The following MGST1 variants were observed in gnomAD, a reference collection of about 807,000 sequenced individuals.
The protein encoded by MGST1 is microsomal glutathione S-transferase 1, also known as glutathione S-transferase 12.
In MGST1, 5 loss-of-function variants were observed where a neutral mutation model predicts 8.9. The observed-to-expected ratio is 0.56, with a 90% CI of 0.29 to 1.19. MGST1 has a LOEUF of 1.19. Ranked by LOEUF, MGST1 falls within the 50% of genes most tolerant of loss-of-function variation. The pLI is 0.08. For missense variants in MGST1, 182 were observed against 187.4 expected (o/e 0.97, Z 0.17); for synonymous variants, 54 against 67.8 (o/e 0.80, Z 1.00).
At chr12:16,520,113 AT>A (rs1171552406) in intron 4 of MGST1, among the ~76,000 whole-genome samples, 1 of 152,136 alleles carries the variant, frequency 6.6e-6, no homozygotes, top group Non-Finnish European at 1.5e-5. Context: ...AATCATTTTT[AT>A]TGCCTGAAAT....
At chr12:16,499,581 C>T (rs1941491953) in intron 4 of MGST1, among the ~76,000 whole-genome samples, 2 of 152,088 alleles carry the variant, frequency 1.3e-5, no homozygotes, top group Admixed American at 1.3e-4. Context: ...AATATCTGCA[C>T]CGAACAAAGA....
intron 1 of MGST1, among the ~76,000 whole-genome samples, chr12:16,384,708 A>G (rs1398929914): frequency 6.6e-6 from 1 of 152,284 alleles, no homozygotes. Context: ...GAAGAATCCC[A>G]ATCACAGGGC....
At chr12:16,358,437 G>A (rs1939827417) in intron 3 of MGST1, among the ~76,000 whole-genome samples, 1 of 151,632 alleles carries the variant, frequency 6.6e-6, no homozygotes, top group Non-Finnish European at 1.5e-5. Flanking sequence ...GCCTACAGCT[G>A]CATCCATGTT....
intron 3 of MGST1, among the ~76,000 whole-genome samples, chr12:16,372,694 C>T (rs73064107): frequency 0.11 from 16,418 of 151,638 alleles, 913 homozygotes; most frequent in East Asian, 0.16. Context: ...TTCGAAAGAA[C>T]GGAAATCAGT....
chr12:16,357,864 A>T (rs1215294931), intron 3 of MGST1, among the ~76,000 whole-genome samples, 165 bp downstream of exon 3: 1 of 146,076 alleles, frequency 6.8e-6, no homozygotes, highest in African/African-American at 2.5e-5. Context: ...GACACACTGC[A>T]CTTGTATGTG....
At chr12:16,462,643 T>A (rs900555721) in intron 4 of MGST1, among the ~76,000 whole-genome samples, 1 of 152,180 alleles carries the variant, frequency 6.6e-6, no homozygotes, top group African/African-American at 2.4e-5. Flanking sequence ...GAAAGAATCC[T>A]GGCAGAAGTT....
At chr12:16,412,398 C>A (rs10772932) in intron 1 of MGST1, among the ~76,000 whole-genome samples, 29,005 of 152,000 alleles carry the variant, frequency 0.19, 3,304 homozygotes, top group East Asian at 0.41. Context: ...CTAATATCTG[C>A]CCAGTTGGAA....
At chr12:16,535,863 A>T (rs1368188009) in intron 4 of MGST1, among the ~76,000 whole-genome samples, 1 of 152,184 alleles carries the variant, frequency 6.6e-6, no homozygotes, top group Non-Finnish European at 1.5e-5. Flanking sequence ...ATTCTGGATG[A>T]GAAACGATTT....
intron 4 of MGST1, among the ~76,000 whole-genome samples, chr12:16,557,395 T>C (rs1428747974): frequency 6.6e-6 from 1 of 151,502 alleles, no homozygotes; most frequent in Non-Finnish European, 1.5e-5. Flanking sequence ...TAAACGTAAT[T>C]CCTAGTGTTT....
Position 16,544,823 on chromosome 12 carries a change from T to C in MGST1, n.483-44705T>C, listed in dbSNP as rs909247164. On this transcript the variant is annotated intron_variant and non_coding_transcript_variant, in intron 4 of 4. Coordinates refer to the MGST1 transcript ENST00000538857. This position sits in a 1 kb window ranked among gnomAD's most constrained non-coding sequence, Gnocchi z 4.8. ...AATTATGAAAGTTCCATTGATGTGA[T>C]AGGGAGGATGACTATTAAATTATCG... Among the ~76,000 whole-genome samples, 1 of 152,052 alleles carries C rather than the reference T, an allele frequency of 6.6e-6. No homozygotes were observed. The highest frequency in any genetic ancestry group is 1.5e-5 in the Non-Finnish European group (1 of 67,944).
At chr12:16,562,846 G>A (rs575214105) in intron 4 of MGST1, among the ~76,000 whole-genome samples, 2 of 152,284 alleles carry the variant, frequency 1.3e-5, no homozygotes, top group Non-Finnish European at 2.9e-5. Context: ...CTGCCCGTAC[G>A]GCGCACTGCT....
At chr12:16,356,191 C>T (rs1431060442) in intron 2 of MGST1, among the ~76,000 whole-genome samples, 1 of 152,172 alleles carries the variant, frequency 6.6e-6, no homozygotes, top group Non-Finnish European at 1.5e-5. Context: ...TAGGGGGCCA[C>T]AAACATTCAG....
intron 4 of MGST1, among the ~76,000 whole-genome samples, chr12:16,524,338 G>GA (rs930895785): frequency 3.6e-4 from 53 of 148,070 alleles, no homozygotes; most frequent in African/African-American, 1.0e-3. Flanking sequence ...TAATCAACAG[G>GA]AAAAAAAAAA....
At chr12:16,483,074 T>C (rs1312272492) in intron 4 of MGST1, among the ~76,000 whole-genome samples, 1 of 152,228 alleles carries the variant, frequency 6.6e-6, no homozygotes, top group Non-Finnish European at 1.5e-5. Context: ...TTATCTGGAA[T>C]AAATGCCCTA....
At chr12:16,400,583 A>G in intron 1 of MGST1, 1 of 983,114 alleles carries the variant, frequency 1.0e-6, no homozygotes, top group Non-Finnish European at 1.6e-6. Flanking sequence ...TGAAGGTTCA[A>G]GGCTGGTACT....
At chr12:16,568,133 G>C (rs1453421082) in intron 4 of MGST1, among the ~76,000 whole-genome samples, 1 of 152,062 alleles carries the variant, frequency 6.6e-6, no homozygotes, top group African/African-American at 2.4e-5. Flanking sequence ...TATTGTCATC[G>C]GTTTCTCTGG....
chr12:16,592,032 T>C (rs1326237014), downstream of MGST1, among the ~76,000 whole-genome samples: 1 of 152,046 alleles, frequency 6.6e-6, no homozygotes, highest in Non-Finnish European at 1.5e-5. Flanking sequence ...GAAAAATAAC[T>C]TGCTCTTAAG....
chr12:16,372,569 CT>C (rs1940311880), intron 3 of MGST1, among the ~76,000 whole-genome samples: 1 of 152,068 alleles, frequency 6.6e-6, no homozygotes, highest in Non-Finnish European at 1.5e-5. Flanking sequence ...CCCTCTTACA[CT>C]GTTGGTGGGG....
chr12:16,578,615 C>T (rs541702151), intron 4 of MGST1, among the ~76,000 whole-genome samples: 4 of 151,946 alleles, frequency 2.6e-5, no homozygotes, highest in Non-Finnish European at 4.4e-5. Flanking sequence ...GTCAGGAGTT[C>T]GAGACCAGCT....
Sources: gnomAD v4.1 joint callset for allele counts (sites outside exome capture counted in the v4.1 genomes callset) on GRCh38, gnomAD v4.1.1 for gene constraint, Gnocchi (gnomAD v3.1) non-coding constraint, MANE v1.5 for transcripts, NCBI Gene and HGNC (gene_info 2026-07-23, HGNC 2026-07-21) for gene names.